MACF1: variants seen among roughly 807,000 people sequenced by gnomAD.
The protein encoded by MACF1 is microtubule actin crosslinking factor 1.
In MACF1, 193 loss-of-function variants were observed where a neutral mutation model predicts 854.8. That is an observed-to-expected ratio of 0.23 (90% confidence interval 0.20 to 0.25). MACF1 has a LOEUF of 0.25. Ranked by LOEUF, MACF1 falls within the 10% of genes least tolerant of loss-of-function variation. The pLI is 1.00. For missense variants in MACF1, 7,722 were observed against 8,929.1 expected (o/e 0.86, Z 5.45); for synonymous variants, 3,185 against 3,226.7 (o/e 0.99, Z 0.44).
intron 18 of MACF1, 58 bp downstream of exon 18, chr1:39,293,677 A>G: frequency 6.5e-7 from 1 of 1,544,414 alleles, no homozygotes; most frequent in East Asian, 2.3e-5. Flanking sequence ...AGAAGGAGAC[A>G]GGGCCTAGTC....
At chr1:39,258,199 A>G (rs907755369) in intron 6 of MACF1, among the ~76,000 whole-genome samples, 171 bp downstream of exon 6, 13 of 152,328 alleles carry the variant, frequency 8.5e-5, no homozygotes, top group African/African-American at 3.1e-4. Context: ...AAGCTGTTGT[A>G]TCGTAAACGC....
chr1:39,420,887 A>T (rs530460563), intron 58 of MACF1, among the ~76,000 whole-genome samples: 1 of 130,812 alleles, frequency 7.6e-6, no homozygotes, highest in Non-Finnish European at 1.6e-5. Flanking sequence ...TTTTTTTGAG[A>T]TGGAGTCTTG....
At chr1:39,159,399 G>A (rs1481404453) in intron 2 of MACF1, among the ~76,000 whole-genome samples, 1 of 152,218 alleles carries the variant, frequency 6.6e-6, no homozygotes, top group Non-Finnish European at 1.5e-5. Context: ...CTTGGGCCAG[G>A]TTTTCCAGTT....
intron 5 of MACF1, 70 bp from the exon 6 acceptor site, chr1:39,257,865 GA>G: frequency 9.1e-7 from 1 of 1,100,664 alleles, no homozygotes; most frequent in South Asian, 1.3e-5. Flanking sequence ...AATCAATAAT[GA>G]AGTGATGCAA....
intron 58 of MACF1, among the ~76,000 whole-genome samples, chr1:39,401,357 C>T (rs1642470022): frequency 6.6e-6 from 1 of 152,166 alleles, no homozygotes; most frequent in African/African-American, 2.4e-5. Flanking sequence ...TTATCATAGA[C>T]CATGTTATCT....
chr1:39,446,850 A>G (rs905858685), intron 80 of MACF1, among the ~76,000 whole-genome samples: 1 of 152,152 alleles, frequency 6.6e-6, no homozygotes, highest in African/African-American at 2.4e-5. Context: ...GAAAATCTAC[A>G]TCTAGTGTTG....
At position 39,357,230 on chromosome 1, in the gene MACF1, ATGACT is replaced by A; in HGVS notation, c.11425-140_11425-136del. On this transcript the variant is annotated intron_variant, in intron 44 of 100. Coordinates refer to ENST00000564288, the MANE Select transcript of MACF1 (RefSeq NM_001394062.1). ...GATGCAGCAAAACTGAGAGAGGTGT[ATGACT>A]TGACAGCAATGTGGGTGAAAAGACC... 4 of 839,684 alleles carry A rather than the reference ATGACT, an allele frequency of 4.8e-6. No individual in the cohort carries two copies. In the East Asian group the frequency reaches 1.0e-4, roughly 21 times the overall value. The allele number at this position is 839,684 out of a possible 1,614,324, so 52.0% of individuals were successfully genotyped here.
At position 39,293,321 on chromosome 1, in the gene MACF1, C is replaced by G. The variant is rs6688708; in HGVS notation, c.1993-137C>G. On this transcript the variant is annotated intron_variant, in intron 17 of 100. Transcript: ENST00000564288. Reference sequence around the variant, plus strand: ...AGTCTTATATCAAACTTGTACAAAACTTGAATCCATGGGGAAAAATCCAGA... The same window carrying G: ...AGTCTTATATCAAACTTGTACAAAAGTTGAATCCATGGGGAAAAATCCAGA... 0.69 allele frequency: 565,027 copies of G among 815,876 alleles called. 197,756 individuals carry two copies. The highest frequency in any genetic ancestry group is 0.79 in the South Asian group (40,006 of 50,716). The allele number at this position is 815,876 out of a possible 1,614,324, so 50.5% of individuals were successfully genotyped here. A position where few individuals can be genotyped will look rare whatever the true frequency, so the allele number is the denominator to read the frequency against.
chr1:39,410,636 G>A, intron 58 of MACF1: 1 of 1,613,970 alleles, frequency 6.2e-7, no homozygotes, highest in Non-Finnish European at 8.5e-7. Flanking sequence ...AATGCAGAAC[G>A]CAAAGACAAT....
chr1:39,297,643 G>A lies in MACF1; in HGVS notation c.2379G>A (p.Leu793=). Residue 793 remains leucine (L), a synonymous_variant, in exon 21 of 101, where the codon CTG becomes CTA. Coordinates refer to ENST00000564288, the MANE Select transcript of MACF1 (RefSeq NM_001394062.1). The stretch of plus-strand genomic sequence containing the variant: ...AGTTCTTCAGTGATGCACGAGAGCT[G>A]GAGTCATTCTTGAGGAACCTCCAAG... ...YFQFFSDARE[L]ESFLRNLQDS... The A allele has an allele frequency of 4.3e-6, 7 of 1,614,158 alleles. No homozygotes were observed. Among genetic ancestry groups the A allele is most frequent in the Non-Finnish European group, 5.9e-6 (7 of 1,180,024 alleles).
At chr1:39,303,227 C>T in intron 23 of MACF1, 149 bp downstream of exon 23, 1 of 781,392 alleles carries the variant, frequency 1.3e-6, no homozygotes, top group Non-Finnish European at 2.0e-6. Context: ...ATCAAGTCTC[C>T]TACTACCAGC....
At position 39,142,165 on chromosome 1, in the gene MACF1, G is replaced by A. The variant is rs567569003; in HGVS notation, c.220+57727G>A. 2.4e-4 allele frequency among the ~76,000 whole-genome samples: 37 copies of A among 152,332 alleles called. 1 individual carries two copies. The highest frequency in any genetic ancestry group is 3.4e-3 in the Middle Eastern group (1 of 294). On this transcript the variant is annotated intron_variant, in intron 2 of 93. Coordinates refer to the MACF1 transcript ENST00000361689. ...ATAGTTTTGATTCTTCCTGAGAAAG[G>A]CAGTTGTTAGGTTTGGAAGTCTTCA...
At chr1:39,211,803 C>T (rs141239468) in intron 1 of MACF1, among the ~76,000 whole-genome samples, 3,288 of 152,062 alleles carry the variant, frequency 0.022, 42 homozygotes, top group Non-Finnish European at 0.034. Flanking sequence ...ATCGCTTGAA[C>T]CCGAGAGGCA....
At chr1:39,186,170 ATCTCTCTCTCTCTCTCTCTCTCTC>A (rs55658204) in intron 2 of MACF1, among the ~76,000 whole-genome samples, 4 of 109,992 alleles carry the variant, frequency 3.6e-5, no homozygotes, top group East Asian at 2.9e-4. Context: ...GATTCTGAAC[ATCTCTCTCTCTCTCTCTCTCTCTC>A]TCTCTCTCTC....
Position 39,333,762 on chromosome 1 carries a change from C to G in MACF1, c.7174C>G (p.Leu2392Val). 1 of 1,614,182 alleles carries G rather than the reference C, an allele frequency of 6.2e-7. No individual in the cohort carries two copies. Residue 2392 changes from leucine to valine, a missense_variant, in exon 37 of 101, where the codon CTT (leucine) becomes GTT (valine). By Grantham distance (32) the Leu-to-Val change is conservative. Around this residue, in one of 15 missense-constraint regions of MACF1, gnomAD observed 1,531 missense variants for 1,601.6 expected, o/e 0.96. Transcript: ENST00000564288. The part of the protein sequence containing the change: ...CSVKDAVTVG[L>V]LDKETATRIL... Reference sequence around the variant, plus strand: ...TGTAAAGGATGCAGTTACAGTTGGACTTCTTGACAAGGAAACAGCCACCAG... The same window carrying G: ...TGTAAAGGATGCAGTTACAGTTGGAGTTCTTGACAAGGAAACAGCCACCAG...
Position 39,105,321 on chromosome 1 carries a change from A to AGCCGCCGCC in MACF1, c.220+20890_220+20898dup, listed in dbSNP as rs932419891. The AGCCGCCGCC allele has an allele frequency of 3.7e-6, 3 of 811,858 alleles. No homozygotes were observed. Among genetic ancestry groups the AGCCGCCGCC allele is most frequent in the Non-Finnish European group, 4.5e-6 (3 of 672,918 alleles). 50.3% of individuals were successfully genotyped at this position (811,858 alleles called of 1,614,324 possible). ...CGGGCCTGGCGCTCCTGACAGGAGG[A>AGCCGCCGCC]GCCGCCGCCGCCGCCCGCCGCTGCA... On this transcript the variant is annotated intron_variant, in intron 2 of 93. Coordinates refer to the MACF1 transcript ENST00000361689. The surrounding 1 kb of genome is among the most constrained non-coding windows in gnomAD (Gnocchi z 5.9).
chr1:39,117,355 G>A (rs1008474284), intron 2 of MACF1, among the ~76,000 whole-genome samples: 4 of 151,994 alleles, frequency 2.6e-5, no homozygotes, highest in African/African-American at 4.8e-5. Context: ...TGCCATGTTC[G>A]CCACAGTGTG....
intron 2 of MACF1, among the ~76,000 whole-genome samples, chr1:39,245,277 A>G (rs1436369855): frequency 6.6e-6 from 1 of 152,032 alleles, no homozygotes; most frequent in East Asian, 1.9e-4. Context: ...CTCAAGACCA[A>G]CTGCAATTTA....
chr1:39,170,542 G>A (rs931504486), intron 2 of MACF1, among the ~76,000 whole-genome samples: 1 of 152,178 alleles, frequency 6.6e-6, no homozygotes, highest in Admixed American at 6.5e-5. Flanking sequence ...TGGAAGCCAG[G>A]CAGGACTCTA....
Sources: allele counts gnomAD v4.1 joint callset (sites outside exome capture counted in the v4.1 genomes callset), GRCh38; gene constraint gnomAD v4.1.1; regional missense constraint gnomAD v4.1.1; non-coding constraint Gnocchi (gnomAD v3.1); transcripts MANE v1.5; gene names NCBI Gene and HGNC (gene_info 2026-07-23, HGNC 2026-07-21).